Variants in PDE8A observed in about 807,000 individuals in gnomAD.
The protein encoded by PDE8A is high affinity cAMP-specific and IBMX-insensitive 3',5'-cyclic phosphodiesterase 8A.
PDE8A carries 59 observed loss-of-function variants against 105.0 expected under a neutral mutation model. The ratio of observed to expected loss-of-function variants is 0.56; its 90% CI spans 0.46 to 0.70. The LOEUF (loss-of-function observed/expected upper bound fraction) is 0.70. Ranked by LOEUF, PDE8A falls within the 30% of genes least tolerant of loss-of-function variation. The pLI, the probability that PDE8A is intolerant of heterozygous loss-of-function variation, is 0.00. For missense variants in PDE8A, 1,014 were observed against 1,045.9 expected (o/e 0.97, Z 0.42); for synonymous variants, 355 against 371.9 (o/e 0.95, Z 0.52).
At chr15:84,983,842 A>G (rs1012559083) in intron 1 of PDE8A, among the ~76,000 whole-genome samples, 22 of 152,216 alleles carry the variant, frequency 1.4e-4, no homozygotes, top group African/African-American at 5.3e-4. Flanking sequence ...TTTGTGGTGG[A>G]TTGGGTGTCC....
At chr15:85,039,275 A>G (rs1470597263) in intron 1 of PDE8A, among the ~76,000 whole-genome samples, 1 of 152,164 alleles carries the variant, frequency 6.6e-6, no homozygotes, top group Non-Finnish European at 1.5e-5. Context: ...AACACAAAGT[A>G]AAAATTAGCT....
intron 1 of PDE8A, among the ~76,000 whole-genome samples, chr15:84,996,595 C>T (rs951435661): frequency 2.0e-5 from 3 of 151,874 alleles, no homozygotes; most frequent in Non-Finnish European, 4.4e-5. Flanking sequence ...GCGGCTGAGG[C>T]GGGCAAACCA....
chr15:84,985,203 A>C (rs1437447935), intron 1 of PDE8A, among the ~76,000 whole-genome samples: 1 of 152,252 alleles, frequency 6.6e-6, no homozygotes, highest in Non-Finnish European at 1.5e-5. Context: ...AGTACAAGAA[A>C]TATAATTAAC....
chr15:85,119,398 G>T (rs961030069), intron 17 of PDE8A, among the ~76,000 whole-genome samples: 2 of 135,880 alleles, frequency 1.5e-5, no homozygotes, highest in South Asian at 4.8e-4. Context: ...AACCCAGGAG[G>T]TGGAGGTTGC....
At chr15:85,002,373 A>C (rs1013398403) in intron 1 of PDE8A, among the ~76,000 whole-genome samples, 1 of 152,078 alleles carries the variant, frequency 6.6e-6, no homozygotes, top group Non-Finnish European at 1.5e-5. Flanking sequence ...ATACAAATGA[A>C]CAGACAGACA....
At chr15:85,133,120 G>A (rs1447896865) in intron 20 of PDE8A, among the ~76,000 whole-genome samples, 2 of 152,124 alleles carry the variant, frequency 1.3e-5, no homozygotes, top group East Asian at 3.8e-4. Context: ...AGCATGTCTT[G>A]TCTGGGTCTG....
At chr15:85,119,708 ATAAC>A (rs563351612) in intron 17 of PDE8A, among the ~76,000 whole-genome samples, 207 of 152,242 alleles carry the variant, frequency 1.4e-3, no homozygotes, top group Middle Eastern at 3.4e-3. Flanking sequence ...ACAAAATAGA[ATAAC>A]TAATGGTTAA....
At chr15:85,059,257 T>C (rs949486874) in intron 1 of PDE8A, among the ~76,000 whole-genome samples, 4 of 152,222 alleles carry the variant, frequency 2.6e-5, no homozygotes, top group Admixed American at 6.5e-5. Flanking sequence ...TCTTTTAAAA[T>C]CTATTGAGTT....
chr15:85,028,616 T>C (rs1022926442), intron 1 of PDE8A, among the ~76,000 whole-genome samples: 1 of 152,228 alleles, frequency 6.6e-6, no homozygotes, highest in Non-Finnish European at 1.5e-5. Flanking sequence ...TTCCTTGTAT[T>C]TCGCAATTTG....
intron 1 of PDE8A, among the ~76,000 whole-genome samples, chr15:85,020,133 CA>C (rs1444512013): frequency 6.6e-6 from 1 of 151,768 alleles, no homozygotes; most frequent in Non-Finnish European, 1.5e-5. Flanking sequence ...TGGTCATTGG[CA>C]AATAATAGGT....
At chr15:85,059,825 A>G (rs1474124438) in intron 1 of PDE8A, among the ~76,000 whole-genome samples, 3 of 152,162 alleles carry the variant, frequency 2.0e-5, no homozygotes, top group African/African-American at 7.2e-5. Flanking sequence ...TTGCACAACA[A>G]AGCAAGGCTG....
rs144503617 is a variant in PDE8A, at chr15:85,123,252, T to C, written c.2085+59T>C. 22 of 1,522,856 alleles carry C rather than the reference T, an allele frequency of 1.4e-5. No individual in the cohort carries two copies. In the African/African-American group the frequency reaches 2.7e-4, roughly 19 times the overall value. 94.3% of individuals were successfully genotyped at this position (1,522,856 alleles called of 1,614,324 possible). On this transcript the variant is annotated intron_variant, in intron 19 of 21. Coordinates refer to ENST00000394553, the MANE Select transcript of PDE8A (RefSeq NM_002605.3). ...TTGGGGTCCTTGTACTGTTGTGTTA[T>C]GGAGACACATGGGCTATGATATCAG...
chr15:85,045,369 T>G (rs1291377649), intron 1 of PDE8A, among the ~76,000 whole-genome samples: 1 of 152,180 alleles, frequency 6.6e-6, no homozygotes, highest in Non-Finnish European at 1.5e-5. Context: ...TACGGCCAGG[T>G]TATTTTAGAC....
chr15:85,105,250 A>G (rs540176695), intron 11 of PDE8A, among the ~76,000 whole-genome samples: 1 of 152,092 alleles, frequency 6.6e-6, no homozygotes, highest in Non-Finnish European at 1.5e-5. Flanking sequence ...GCCTGGAGAA[A>G]GTGAGCTTTC....
At chr15:85,021,854 A>T (rs2080432196) in intron 1 of PDE8A, among the ~76,000 whole-genome samples, 1 of 152,188 alleles carries the variant, frequency 6.6e-6, no homozygotes, top group African/African-American at 2.4e-5. Flanking sequence ...TTTGGCGGGA[A>T]TACCACAAAA....
Position 84,982,275 on chromosome 15 carries a change from A to G in PDE8A, c.113A>G (p.Lys38Arg), listed in dbSNP as rs767245948. 1 of 1,436,212 alleles carries G rather than the reference A, an allele frequency of 7.0e-7. No individual in the cohort carries two copies. The highest frequency in any genetic ancestry group is 9.1e-7 in the Non-Finnish European group (1 of 1,103,086). The allele number at this position is 1,436,212 out of a possible 1,614,324, so 89.0% of individuals were successfully genotyped here. The change falls in exon 1 of 22, where the codon AAG (lysine) becomes AGG (arginine). Residue 38 changes from lysine to arginine, a missense_variant. Transcript: ENST00000394553. ...SGGPRLPQGQ[K>R]TAALPRTRGA... The stretch of plus-strand genomic sequence containing the variant: ...GGGCCGCGCCTCCCGCAGGGCCAGA[A>G]GACGGCCGCCTTGCCCCGGACCCGC...
intron 1 of PDE8A, among the ~76,000 whole-genome samples, chr15:84,989,916 G>A (rs1175253216): frequency 6.6e-6 from 1 of 152,116 alleles, no homozygotes; most frequent in African/African-American, 2.4e-5. Flanking sequence ...GCAGTTAACA[G>A]TTTTCTATAT....
At position 85,035,197 on chromosome 15, in the gene PDE8A, C is replaced by CT. The variant is rs35548176; in HGVS notation, c.187-29145dup. On this transcript the variant is annotated intron_variant, in intron 1 of 21. Transcript: ENST00000394553. ...GCAGGACCTCACCTCTGGGTATTTC[C>CT]TTTTTTTTTTTTTTTTTTTTTTTTT... Among the ~76,000 whole-genome samples, 282 of 57,778 alleles carry CT rather than the reference C, an allele frequency of 4.9e-3. 23 individuals are homozygous for CT. Among genetic ancestry groups the CT allele is most frequent in the Middle Eastern group, 0.042 (2 of 48 alleles). The allele number at this position is 57,778 out of a possible 152,430, so 37.9% of individuals were successfully genotyped here.
At chr15:85,016,099 C>G (rs1415352587) in intron 1 of PDE8A, among the ~76,000 whole-genome samples, 1 of 152,146 alleles carries the variant, frequency 6.6e-6, no homozygotes, top group East Asian at 1.9e-4. Context: ...TCGCGCCACT[C>G]ACTGTACTTC....
Sources: gnomAD v4.1 joint callset for allele counts (sites outside exome capture counted in the v4.1 genomes callset) on GRCh38, gnomAD v4.1.1 for gene constraint, MANE v1.5 for transcripts, NCBI Gene and HGNC (gene_info 2026-07-23, HGNC 2026-07-21) for gene names.